RAE1: variants seen among roughly 807,000 people sequenced by gnomAD.
RAE1 encodes the protein mRNA export factor RAE1.
In RAE1, 13 loss-of-function variants were observed where a neutral mutation model predicts 52.7. That is an observed-to-expected ratio of 0.25 (90% CI 0.16 to 0.39). RAE1 has a LOEUF of 0.39. Among genes scored for constraint, RAE1 ranks in the 10% least tolerant of loss-of-function variants. RAE1 has a pLI of 1.00. For synonymous variants in RAE1, 164 were observed against 153.1 expected (o/e 1.07, Z -0.52); for missense variants, 262 against 459.8 (o/e 0.57, Z 3.93).
chr20:57,356,373 T>C (rs2066786904), intron 3 of RAE1, 73 bp from the exon 4 acceptor site: 1 of 1,154,354 alleles, frequency 8.7e-7, no homozygotes, highest in African/African-American at 1.5e-5. Flanking sequence ...TGTACCCCAT[T>C]AGTTTTTAGG....
At chr20:57,352,747 A>G (rs1463327799) in intron 1 of RAE1, among the ~76,000 whole-genome samples, 1 of 152,184 alleles carries the variant, frequency 6.6e-6, no homozygotes, top group Non-Finnish European at 1.5e-5. Context: ...AACTCTGTGA[A>G]GTAGATATTA....
chr20:57,367,132 T>G (rs2066966817), intron 7 of RAE1, 53 bp downstream of exon 7: 1 of 1,419,898 alleles, frequency 7.0e-7, no homozygotes, highest in South Asian at 1.3e-5. Context: ...ACAAAATAAG[T>G]ATTCTCACCT....
chr20:57,364,904 T>G (rs972710091), intron 4 of RAE1, among the ~76,000 whole-genome samples: 2 of 152,228 alleles, frequency 1.3e-5, no homozygotes, highest in African/African-American at 4.8e-5. Context: ...GTTATGTGTT[T>G]TGTATATAGA....
chr20:57,373,750 G>T lies in RAE1; in HGVS notation c.825+12G>T. On this transcript the variant is annotated intron_variant, in intron 10 of 11. Coordinates refer to ENST00000395841, the MANE Select transcript of RAE1 (RefSeq NM_003610.4). ...AGGACATTTATGCGGTACGTTTTTA[G>T]ACACTTTAACCGTGGTAATACATCT... The T allele has an allele frequency of 6.2e-7, 1 of 1,609,956 alleles. No individual in the cohort carries two copies. The highest frequency in any genetic ancestry group is 2.2e-5 in the East Asian group (1 of 44,872).
In RAE1 at chr20:57,378,122, C is replaced by T; in HGVS notation, c.*23C>T. On this transcript the variant is annotated 3_prime_UTR_variant, in exon 12 of 12. Coordinates refer to ENST00000395841, the MANE Select transcript of RAE1 (RefSeq NM_003610.4). The stretch of plus-strand genomic sequence containing the variant: ...TAGTGGCTGGAGACTCTGGCTCAGC[C>T]AGAGTTGTTTCTCTCCACTCTGCCT... 2.5e-6 allele frequency: 4 copies of T among 1,571,844 alleles called. No individual in the cohort carries two copies. Among genetic ancestry groups the T allele is most frequent in the Middle Eastern group, 1.7e-4 (1 of 5,958 alleles).
chr20:57,353,900 C>A, intron 1 of RAE1, 132 bp from the exon 2 acceptor site: 1 of 719,434 alleles, frequency 1.4e-6, no homozygotes, highest in African/African-American at 1.8e-5. Flanking sequence ...GCTCATTGCG[C>A]TCTTGTCTGA....
At chr20:57,361,826 A>G (rs2426708) in intron 4 of RAE1, among the ~76,000 whole-genome samples, 71,547 of 152,086 alleles carry the variant, frequency 0.47, 20,679 homozygotes, top group East Asian at 0.75. Flanking sequence ...TTTTATGGCC[A>G]TACGTTAATG....
intron 4 of RAE1, chr20:57,358,784 A>T: frequency 2.4e-6 from 1 of 409,716 alleles, no homozygotes; most frequent in Non-Finnish European, 4.3e-6. Context: ...TATTGGGTCG[A>T]TGTGTAATAA....
intron 1 of RAE1, among the ~76,000 whole-genome samples, chr20:57,352,568 C>T (rs570181864): frequency 1.3e-5 from 2 of 152,354 alleles, no homozygotes; most frequent in East Asian, 3.9e-4. Flanking sequence ...CACTGACTAA[C>T]ACGAACGATT....
intron 5 of RAE1, among the ~76,000 whole-genome samples, chr20:57,366,146 T>C (rs1463862219): frequency 2.6e-5 from 4 of 152,176 alleles, no homozygotes; most frequent in African/African-American, 9.7e-5. Context: ...TATTTCTGAA[T>C]ATCTCCCTAA....
Position 57,373,480 on chromosome 20 carries a change from G to T in RAE1, c.648G>T (p.Arg216=). The change falls in exon 9 of 12, where the codon CGG becomes CGT. Residue 216 remains arginine, a synonymous_variant. Coordinates refer to ENST00000395841, the MANE Select transcript of RAE1 (RefSeq NM_003610.4). ...RIESPLKHQH[R]CVAIFKDKQN... is the part of the protein sequence containing the mutation. ...CTTTTTTATTTTAACTGTAGCATCG[G>T]TGTGTGGCTATTTTTAAAGACAAAC... 6.2e-7 allele frequency: 1 copy of T among 1,612,838 alleles called. No homozygotes were observed. The highest frequency in any genetic ancestry group is 8.5e-7 in the Non-Finnish European group (1 of 1,178,918).
chr20:57,360,370 C>T (rs147140645), intron 4 of RAE1, among the ~76,000 whole-genome samples: 1 of 152,296 alleles, frequency 6.6e-6, no homozygotes, highest in East Asian at 1.9e-4. Flanking sequence ...TGTGCTTACT[C>T]TATAACCTTT....
In RAE1 at chr20:57,379,165, T is replaced by C. The variant is rs765482143; in HGVS notation, c.*1066T>C. 6.6e-6 allele frequency: 1 copy of C among 152,140 alleles called. No individual in the cohort carries two copies. The highest frequency in any genetic ancestry group is 1.5e-5 in the Non-Finnish European group (1 of 68,030). The allele number at this position is 152,140 out of a possible 1,614,324, so 9.4% of individuals were successfully genotyped here. A position where few individuals can be genotyped will look rare whatever the true frequency, so the allele number is the denominator to read the frequency against. On this transcript the variant is annotated 3_prime_UTR_variant, in exon 12 of 12. Transcript: ENST00000395841. Reference sequence around the variant, plus strand: ...GTTGTAAGATGTGTTTGCCTACTCATAAAAAACAATGAAAATAAAATTTTC... The same window carrying C: ...GTTGTAAGATGTGTTTGCCTACTCACAAAAAACAATGAAAATAAAATTTTC...
chr20:57,352,232 T>C (rs1276064558), intron 1 of RAE1, among the ~76,000 whole-genome samples: 1 of 152,226 alleles, frequency 6.6e-6, no homozygotes, highest in African/African-American at 2.4e-5. Context: ...TGCAGTTGCG[T>C]AAACATGGCA....
At chr20:57,356,103 T>G in intron 3 of RAE1, among the ~76,000 whole-genome samples, 1 of 152,214 alleles carries the variant, frequency 6.6e-6, no homozygotes, top group Non-Finnish European at 1.5e-5. Context: ...GGGGAGATTA[T>G]ATAAAGTATT....
At chr20:57,353,694 G>A (rs2066744375) in intron 1 of RAE1, among the ~76,000 whole-genome samples, 1 of 152,188 alleles carries the variant, frequency 6.6e-6, no homozygotes, top group African/African-American at 2.4e-5. Context: ...AAAAATGAGT[G>A]AATTTATTTT....
intron 9 of RAE1, 31 bp from the exon 10 acceptor site, chr20:57,373,632 A>G (rs1369174414): frequency 6.2e-7 from 1 of 1,613,624 alleles, no homozygotes; most frequent in Non-Finnish European, 8.5e-7. Flanking sequence ...TTTTTAACAA[A>G]GGAAGACTTA....
intron 8 of RAE1, chr20:57,372,274 C>T (rs995740568): frequency 1.3e-5 from 2 of 152,250 alleles, no homozygotes; most frequent in Admixed American, 6.5e-5. Flanking sequence ...TGCCGGACCC[C>T]AGCCTAAGCC....
intron 4 of RAE1, among the ~76,000 whole-genome samples, chr20:57,364,864 A>G (rs1326211707): frequency 1.3e-5 from 2 of 152,248 alleles, no homozygotes; most frequent in Non-Finnish European, 2.9e-5. Context: ...GTTATTAGAT[A>G]GGGACCGAAT....
Sources: gnomAD v4.1 joint callset for allele counts (sites outside exome capture counted in the v4.1 genomes callset) on GRCh38, gnomAD v4.1.1 for gene constraint, MANE v1.5 for transcripts, NCBI Gene and HGNC (gene_info 2026-07-23, HGNC 2026-07-21) for gene names.